Variants in PDZK1 observed in about 807,000 individuals in gnomAD.
PDZK1 encodes Na(+)/H(+) exchange regulatory cofactor NHE-RF3.
A neutral mutation model predicts 38.1 loss-of-function variants in PDZK1; 23 were observed. The ratio of observed to expected loss-of-function variants is 0.60; its 90% CI spans 0.43 to 0.85. The LOEUF (loss-of-function observed/expected upper bound fraction) is 0.85. PDZK1 is among the 40% of genes least tolerant of loss of function. The pLI is 0.00. For missense variants in PDZK1, 297 were observed against 504.3 expected (o/e 0.59, Z 3.94); for synonymous variants, 98 against 186.2 (o/e 0.53, Z 3.86).
chr1:145,688,337 A>C (rs1239167706), intron 1 of PDZK1, among the ~76,000 whole-genome samples: 1 of 152,170 alleles, frequency 6.6e-6, no homozygotes, highest in Non-Finnish European at 1.5e-5. Flanking sequence ...ATTAAGTCCA[A>C]ATACATGACC....
chr1:145,677,662 C>T (rs1298508850), intron 6 of PDZK1, among the ~76,000 whole-genome samples: 6 of 151,502 alleles, frequency 4.0e-5, no homozygotes, highest in Non-Finnish European at 5.9e-5. Flanking sequence ...TACTAAGCTG[C>T]GTGACTTTAG....
intron 6 of PDZK1, among the ~76,000 whole-genome samples, chr1:145,677,776 C>G (rs1160016492): frequency 1.3e-5 from 2 of 148,522 alleles, no homozygotes; most frequent in African/African-American, 5.1e-5. Context: ...ATTTTAGATT[C>G]TACTATCATT....
At chr1:145,690,916 G>A (rs187439530) in intron 1 of PDZK1, among the ~76,000 whole-genome samples, 10 of 152,222 alleles carry the variant, frequency 6.6e-5, no homozygotes, top group South Asian at 4.2e-4. Context: ...GATGGTAATC[G>A]CTCAGATCTG....
chr1:145,693,859 G>A (rs1351831218), intron 1 of PDZK1, among the ~76,000 whole-genome samples: 1 of 151,946 alleles, frequency 6.6e-6, no homozygotes, highest in Non-Finnish European at 1.5e-5. Flanking sequence ...GGGTCACAGA[G>A]GAATGTTGAG....
chr1:145,681,627 A>AT (rs1296976279), intron 4 of PDZK1, among the ~76,000 whole-genome samples: 1 of 127,648 alleles, frequency 7.8e-6, no homozygotes, highest in Non-Finnish European at 1.6e-5. Flanking sequence ...TTATTTAAGT[A>AT]TGACCTACCC....
chr1:145,687,842 A>G lies in PDZK1; in HGVS notation c.180T>C (p.Gly60=). The G allele has an allele frequency of 6.2e-7, 1 of 1,614,022 alleles. No individual in the cohort carries two copies. The highest frequency in any genetic ancestry group is 8.5e-7 in the Non-Finnish European group (1 of 1,179,920). ...TATGTTCTTCTTTGTCCACAAAGAC[A>G]CCATTGATCCTAAGAACTCTGTCTC... ...QDGDRVLRIN[G]VFVDKEEHMQ... is the part of the protein sequence containing the mutation. The change falls in exon 2 of 9, where the codon GGT becomes GGC. Residue 60 remains glycine, a synonymous_variant. Coordinates refer to ENST00000417171, the MANE Select transcript of PDZK1 (RefSeq NM_001201325.2).
At chr1:145,699,546 G>C (rs918278293) in intron 1 of PDZK1, among the ~76,000 whole-genome samples, 4 of 152,160 alleles carry the variant, frequency 2.6e-5, no homozygotes, top group Non-Finnish European at 5.9e-5. Flanking sequence ...GGATTGGGAA[G>C]ATGAAATGTT....
At chr1:145,698,268 G>A (rs931309856) in intron 1 of PDZK1, among the ~76,000 whole-genome samples, 3 of 152,080 alleles carry the variant, frequency 2.0e-5, no homozygotes, top group Admixed American at 6.5e-5. Flanking sequence ...TGAGGAAGAG[G>A]AGGCCAGCAT....
chr1:145,705,702 G>A (rs113182014), intron 1 of PDZK1, among the ~76,000 whole-genome samples: 3 of 152,208 alleles, frequency 2.0e-5, no homozygotes, highest in East Asian at 1.9e-4. Context: ...AGAGACTTTC[G>A]ATATACACAT....
intron 6 of PDZK1, among the ~76,000 whole-genome samples, chr1:145,677,738 C>CCAT (rs1327691709): frequency 6.8e-6 from 1 of 146,846 alleles, no homozygotes; most frequent in African/African-American, 2.5e-5. Flanking sequence ...ATATCACCAC[C>CCAT]CATCATATTC....
intron 6 of PDZK1, among the ~76,000 whole-genome samples, chr1:145,674,812 C>T (rs1251851562): frequency 2.0e-5 from 3 of 152,098 alleles, no homozygotes; most frequent in Non-Finnish European, 2.9e-5. Flanking sequence ...AATCTCCTCT[C>T]ATACCTGTAT....
chr1:145,697,197 C>T lies in PDZK1; in HGVS notation c.-2-9174G>A, dbSNP rs1364758128. Among the ~76,000 whole-genome samples, 8 of 152,054 alleles carry T rather than the reference C, an allele frequency of 5.3e-5. No homozygotes were observed. The South Asian group carries it at 8.3e-4, about 16-fold the overall frequency. ...CAAGAATTAGCCGGGCATGGAGGCA[C>T]GTGCCTGTAAGCCCAGGTACTTGGG... On this transcript the variant is annotated intron_variant, in intron 1 of 8. Coordinates refer to ENST00000417171, the MANE Select transcript of PDZK1 (RefSeq NM_001201325.2).
intron 1 of PDZK1, among the ~76,000 whole-genome samples, chr1:145,693,528 G>GGAGGCC (rs60562147): frequency 2.6e-5 from 4 of 151,938 alleles, no homozygotes; most frequent in Admixed American, 6.5e-5. Flanking sequence ...CAGCACTTTG[G>GGAGGCC]GAGGCCGAGG....
chr1:145,702,093 T>C (rs1222689177), intron 1 of PDZK1, among the ~76,000 whole-genome samples: 5 of 152,196 alleles, frequency 3.3e-5, no homozygotes, highest in Non-Finnish European at 7.3e-5. Context: ...ATCCATTCCA[T>C]TGAGAATTAT....
chr1:145,697,214 G>A (rs899876038), intron 1 of PDZK1, among the ~76,000 whole-genome samples: 1 of 152,000 alleles, frequency 6.6e-6, no homozygotes, highest in South Asian at 2.1e-4. Flanking sequence ...GTAAGCCCAG[G>A]TACTTGGGAG....
At chr1:145,683,734 C>T (rs1553700896) in intron 3 of PDZK1, among the ~76,000 whole-genome samples, 3 of 152,066 alleles carry the variant, frequency 2.0e-5, no homozygotes, top group Non-Finnish European at 4.4e-5. Flanking sequence ...ATAAATTAGG[C>T]ACAGTAAGAG....
chr1:145,702,350 G>A (rs1375072682), intron 1 of PDZK1, among the ~76,000 whole-genome samples: 1 of 151,968 alleles, frequency 6.6e-6, no homozygotes, highest in Non-Finnish European at 1.5e-5. Context: ...AATATTGTGT[G>A]GAAACAGAGG....
At chr1:145,702,867 T>C (rs957893891) in intron 1 of PDZK1, among the ~76,000 whole-genome samples, 14 of 152,158 alleles carry the variant, frequency 9.2e-5, no homozygotes, top group Non-Finnish European at 1.3e-4. Flanking sequence ...CACCCCAGCC[T>C]GGGCAACAGA....
chr1:145,682,802 C>T (rs1571598184), intron 3 of PDZK1, among the ~76,000 whole-genome samples, 166 bp from the exon 4 acceptor site: 4 of 152,174 alleles, frequency 2.6e-5, no homozygotes, highest in South Asian at 4.1e-4. Flanking sequence ...AATGTTATCA[C>T]GCAAATTATA....
Sources: gnomAD v4.1 joint callset for allele counts (sites outside exome capture counted in the v4.1 genomes callset) on GRCh38, gnomAD v4.1.1 for gene constraint, MANE v1.5 for transcripts, NCBI Gene and HGNC (gene_info 2026-07-23, HGNC 2026-07-21) for gene names.